The following IREB2 variants were observed in gnomAD, a reference collection of about 807,000 sequenced individuals.
IREB2 encodes iron-responsive element-binding protein 2.
A neutral mutation model predicts 118.8 loss-of-function variants in IREB2; 39 were observed. The observed-to-expected ratio is 0.33, with a 90% confidence interval of 0.25 to 0.43. The LOEUF (loss-of-function observed/expected upper bound fraction) is 0.43, where lower values mean the gene tolerates loss of function less well. IREB2 is among the 20% of genes least tolerant of loss of function. The pLI is 1.00. For missense variants in IREB2, 900 were observed against 1,147.3 expected (o/e 0.78, Z 3.11); for synonymous variants, 372 against 392.2 (o/e 0.95, Z 0.61).
In IREB2 at chr15:78,490,409, A is replaced by G. The variant is rs1468437127; in HGVS notation, c.2077-13A>G. Reference sequence around the variant, plus strand: ...TCTTTGCTTTGGTTCATCAACGAAAACTGTATTCACAGATGGGGAATAAAC... The same window carrying G: ...TCTTTGCTTTGGTTCATCAACGAAAGCTGTATTCACAGATGGGGAATAAAC... On this transcript the variant is annotated splice_polypyrimidine_tract_variant and intron_variant, in intron 16 of 21. Transcript: ENST00000258886. 7 of 1,556,792 alleles carry G rather than the reference A, an allele frequency of 4.5e-6. No individual in the cohort carries two copies. The highest frequency in any genetic ancestry group is 1.2e-5 in the South Asian group (1 of 83,922).
rs2051645692 is a variant in IREB2 at position 78,485,586 on chromosome 15, A to T, written c.1574-119A>T. ...ATAAAGTGGACAAAATAATGACAGT[A>T]AGTTTATGAATTCATACTTTAATCT... On this transcript the variant is annotated intron_variant, in intron 12 of 21. Coordinates refer to ENST00000258886, the MANE Select transcript of IREB2 (RefSeq NM_004136.4). The T allele has an allele frequency of 3.9e-6, 4 of 1,016,292 alleles. No individual in the cohort carries two copies. In the South Asian group the frequency reaches 6.7e-5, roughly 17 times the overall value. 63.0% of individuals were successfully genotyped at this position (1,016,292 alleles called of 1,614,324 possible). A position where few individuals can be genotyped will look rare whatever the true frequency, so the allele number is the denominator to read the frequency against.
intron 2 of IREB2, among the ~76,000 whole-genome samples, chr15:78,449,826 C>G (rs554370197): frequency 6.6e-6 from 1 of 152,262 alleles, no homozygotes; most frequent in Admixed American, 6.5e-5. Flanking sequence ...GCCGAACCAC[C>G]TATTGGATCT....
At chr15:78,458,611 A>AC (rs2051144453) in intron 2 of IREB2, among the ~76,000 whole-genome samples, 1 of 151,706 alleles carries the variant, frequency 6.6e-6, no homozygotes, top group South Asian at 2.1e-4. Flanking sequence ...TTCACCACTC[A>AC]CCCCATCTAA....
intron 2 of IREB2, among the ~76,000 whole-genome samples, chr15:78,452,976 C>T (rs1445084080): frequency 6.6e-6 from 1 of 152,158 alleles, no homozygotes; most frequent in Non-Finnish European, 1.5e-5. Context: ...CCAGGTAACA[C>T]CTGCACACAC....
chr15:78,448,864 A>T (rs984477135), intron 2 of IREB2, among the ~76,000 whole-genome samples: 4 of 152,278 alleles, frequency 2.6e-5, no homozygotes, highest in Middle Eastern at 3.4e-3. Flanking sequence ...CTTCAGGCTG[A>T]TGGGTTTCTC....
chr15:78,465,519 A>G, intron 4 of IREB2, 131 bp downstream of exon 4: 1 of 816,218 alleles, frequency 1.2e-6, no homozygotes, highest in Non-Finnish European at 1.8e-6. Context: ...GCTAGTATAT[A>G]AAAGCTAAAA....
intron 2 of IREB2, among the ~76,000 whole-genome samples, chr15:78,458,357 G>T (rs1017991237): frequency 6.6e-5 from 10 of 152,190 alleles, no homozygotes; most frequent in African/African-American, 2.4e-4. Flanking sequence ...GGTGGGGAAT[G>T]TTGATAGTGT....
intron 10 of IREB2, chr15:78,481,781 T>G (rs529377173): frequency 6.6e-6 from 1 of 152,202 alleles, no homozygotes; most frequent in Admixed American, 6.6e-5. Context: ...GATACAGACA[T>G]GAGCCGCCGC....
chr15:78,452,932 A>G (rs1430905285), intron 2 of IREB2, among the ~76,000 whole-genome samples: 3 of 152,156 alleles, frequency 2.0e-5, no homozygotes, highest in Non-Finnish European at 2.9e-5. Context: ...TGGTTTCCCA[A>G]GCTCTAGTTT....
intron 2 of IREB2, among the ~76,000 whole-genome samples, chr15:78,452,714 C>T (rs1011967073): frequency 3.9e-5 from 6 of 151,982 alleles, no homozygotes; most frequent in African/African-American, 1.5e-4. Context: ...CGAGACCAGC[C>T]TGGGCAACAT....
intron 2 of IREB2, among the ~76,000 whole-genome samples, chr15:78,457,106 T>C (rs1567166572): frequency 6.6e-6 from 1 of 152,248 alleles, no homozygotes; most frequent in Non-Finnish European, 1.5e-5. Context: ...GTATTTTTCC[T>C]GGGATTAATG....
At chr15:78,478,486 T>G (rs1267055129) in intron 10 of IREB2, 89 bp downstream of exon 10, 1 of 780,388 alleles carries the variant, frequency 1.3e-6, no homozygotes, top group Non-Finnish European at 2.2e-6. Context: ...GTTGATTGTT[T>G]GAGTTCAAGA....
chr15:78,467,510 G>A (rs1426760718), intron 5 of IREB2, among the ~76,000 whole-genome samples: 1 of 152,146 alleles, frequency 6.6e-6, no homozygotes, highest in African/African-American at 2.4e-5. Context: ...TGGCAAACAT[G>A]GCGAAACCCC....
At chr15:78,437,971 G>A (rs17483548), upstream of IREB2, among the ~76,000 whole-genome samples, 35,691 of 152,190 alleles carry the variant, frequency 0.23, 5,431 homozygotes, top group Middle Eastern at 0.36. Flanking sequence ...GAAAACTTAA[G>A]GCCGCAACTA....
At chr15:78,439,660 T>A (rs1410374665) in intron 1 of IREB2, 135 bp from the exon 2 acceptor site, 1 of 574,976 alleles carries the variant, frequency 1.7e-6, no homozygotes. Context: ...TAATGGCTAC[T>A]TTACTGGACA....
chr15:78,461,674 C>T (rs1461226558), intron 2 of IREB2, among the ~76,000 whole-genome samples: 1 of 152,276 alleles, frequency 6.6e-6, no homozygotes, highest in Non-Finnish European at 1.5e-5. Context: ...TCCTCCTCGC[C>T]CCCCTCCACC....
chr15:78,445,817 C>T lies in IREB2; in HGVS notation c.106+5936C>T, dbSNP rs987422587. ...TTTTGTTTTTTCCCTCAGGGTCTTG[C>T]TCTGTTGCCCAGGCTGGAGTGTAGT... On this transcript the variant is annotated intron_variant, in intron 2 of 21. Transcript: ENST00000258886. 3.3e-5 allele frequency among the ~76,000 whole-genome samples: 5 copies of T among 152,146 alleles called. No individual in the cohort carries two copies. In the East Asian group the frequency reaches 5.8e-4, roughly 18 times the overall value.
chr15:78,439,051 C>A (rs998324531), intron 1 of IREB2, among the ~76,000 whole-genome samples: 1 of 152,150 alleles, frequency 6.6e-6, no homozygotes, highest in Non-Finnish European at 1.5e-5. Flanking sequence ...CACAAAAGAT[C>A]TGAAGGTTCT....
intron 19 of IREB2, 29 bp downstream of exon 19, chr15:78,494,085 A>G (rs1320002075): frequency 9.9e-6 from 16 of 1,613,138 alleles, no homozygotes; most frequent in African/African-American, 1.3e-5. Context: ...TATTTAGACA[A>G]TTTATAACTG....
Sources: allele counts gnomAD v4.1 joint callset (sites outside exome capture counted in the v4.1 genomes callset), GRCh38; gene constraint gnomAD v4.1.1; transcripts MANE v1.5; gene names NCBI Gene and HGNC (gene_info 2026-07-23, HGNC 2026-07-21).